SNX18: variants seen among roughly 807,000 people sequenced by gnomAD.
SNX18 encodes the protein sorting nexin-18.
A neutral mutation model predicts 48.7 loss-of-function variants in SNX18; 35 were observed. That is an observed-to-expected ratio of 0.72 (90% CI 0.55 to 0.95). The LOEUF (loss-of-function observed/expected upper bound fraction) is 0.95, where lower values mean the gene tolerates loss of function less well. Ranked by LOEUF, SNX18 falls within the 40% of genes least tolerant of loss-of-function variation. SNX18 has a pLI of 0.00. For missense variants in SNX18, 824 were observed against 871.0 expected (o/e 0.95, Z 0.68); for synonymous variants, 492 against 384.7 (o/e 1.28, Z -3.26).
chr5:54,590,425 A>C, the SNX18 span, among the ~76,000 whole-genome samples: 1 of 152,154 alleles, frequency 6.6e-6, no homozygotes, highest in Non-Finnish European at 1.5e-5. Flanking sequence ...GTTAAAGCCT[A>C]AGTCAGATTA....
rs930396306 is a variant in SNX18 at position 54,518,579 on chromosome 5, G to T, written c.627G>T (p.Ser209=). 8 of 1,580,158 alleles carry T rather than the reference G, an allele frequency of 5.1e-6. No individual in the cohort carries two copies. The highest frequency in any genetic ancestry group is 6.9e-6 in the Non-Finnish European group (8 of 1,163,974). The stretch of plus-strand genomic sequence containing the variant: ...TGTCCCTGGGTTCCCGCGGCGGCTC[G>T]GTCCCCCCGCAGCACCACCCGTCGG... ...SDLSLGSRGG[S]VPPQHHPSGP... is the part of the protein sequence containing the mutation. The change falls in exon 1 of 2, where the codon TCG becomes TCT. Residue 209 remains serine, a synonymous_variant. Coordinates refer to ENST00000381410, the MANE Select transcript of SNX18 (RefSeq NM_001102575.2).
In SNX18 at chr5:54,518,248, C is replaced by T. The variant is rs1726593303; in HGVS notation, c.296C>T (p.Pro99Leu). The change falls in exon 1 of 2, where the codon CCG becomes CTG. Residue 99 changes from proline to leucine, a missense_variant. By Grantham distance (98) the Pro-to-Leu change is moderately conservative. This residue lies in a region of SNX18 where 377 missense variants were observed against 350.6 expected (regional missense o/e 1.08). Transcript: ENST00000381410. ...LPVAPPASFK[P>L]PPDAFQALLQ... ...GTCGCGCCCCCCGCCTCCTTCAAGC[C>T]GCCGCCTGACGCCTTCCAGGCGCTG... 2 of 1,454,032 alleles carry T rather than the reference C, an allele frequency of 1.4e-6. No individual in the cohort carries two copies. The highest frequency in any genetic ancestry group is 1.5e-5 in the African/African-American group (1 of 67,108). The allele number at this position is 1,454,032 out of a possible 1,614,324, so 90.1% of individuals were successfully genotyped here.
chr5:54,605,863 T>C, the SNX18 span, among the ~76,000 whole-genome samples: 2 of 152,072 alleles, frequency 1.3e-5, no homozygotes, highest in East Asian at 1.9e-4. Context: ...AGGGTATCAC[T>C]TTGTTGACCA....
At chr5:54,614,325 A>G in the SNX18 span, among the ~76,000 whole-genome samples, 5 of 152,322 alleles carry the variant, frequency 3.3e-5, no homozygotes, top group Admixed American at 1.3e-4. Flanking sequence ...CAGGCAGATA[A>G]GAGGGGTTTG....
the SNX18 span, among the ~76,000 whole-genome samples, chr5:54,576,231 C>T: frequency 6.6e-6 from 1 of 152,102 alleles, no homozygotes; most frequent in Non-Finnish European, 1.5e-5. Flanking sequence ...ATCCCTGGAG[C>T]CGTATGTGTA....
chr5:54,640,884 A>T, the SNX18 span, among the ~76,000 whole-genome samples: 1 of 151,998 alleles, frequency 6.6e-6, no homozygotes, highest in Non-Finnish European at 1.5e-5. Context: ...ACATGGTTAA[A>T]CCCCATCTCT....
At chr5:54,630,228 A>T in the SNX18 span, among the ~76,000 whole-genome samples, 1 of 152,198 alleles carries the variant, frequency 6.6e-6, no homozygotes, top group Non-Finnish European at 1.5e-5. Flanking sequence ...TTGATGGAAG[A>T]GTCTGGATCA....
At chr5:54,597,741 G>T in the SNX18 span, among the ~76,000 whole-genome samples, 1 of 152,130 alleles carries the variant, frequency 6.6e-6, no homozygotes, top group Non-Finnish European at 1.5e-5. Flanking sequence ...CTAAAGCAGT[G>T]TTAAGAGGGA....
chr5:54,572,599 G>A, the SNX18 span, among the ~76,000 whole-genome samples: 1 of 151,280 alleles, frequency 6.6e-6, no homozygotes, highest in Non-Finnish European at 1.5e-5. Context: ...GCAAGAAATG[G>A]CCTCATATTT....
chr5:54,535,838 C>T (rs1762343092), intron 1 of SNX18, among the ~76,000 whole-genome samples: 2 of 152,180 alleles, frequency 1.3e-5, no homozygotes, highest in African/African-American at 4.8e-5. Context: ...GGTAGCTCTG[C>T]CTTGCCTTCC....
rs749200304 is a variant in SNX18, at chr5:54,518,069, C to G, written c.117C>G (p.Leu39=). The G allele has an allele frequency of 6.5e-7, 1 of 1,543,060 alleles. No homozygotes were observed. Residue 39 remains leucine, a synonymous_variant, in exon 1 of 2, where the codon CTC becomes CTG. Transcript: ENST00000381410. The part of the protein sequence containing the change: ...LCSEQDIEGW[L]EGVNSRGDRG... ...GCGAGCAGGACATCGAGGGCTGGCT[C>G]GAGGGGGTCAACAGCCGCGGCGACC... is the stretch of plus-strand genomic sequence containing the variant.
chr5:54,619,224 A>G, the SNX18 span, among the ~76,000 whole-genome samples: 1 of 152,288 alleles, frequency 6.6e-6, no homozygotes, highest in Non-Finnish European at 1.5e-5. Context: ...TAAAAAAACA[A>G]CAAAGGCCAG....
the SNX18 span, among the ~76,000 whole-genome samples, chr5:54,559,000 T>G: frequency 6.6e-6 from 1 of 150,892 alleles, no homozygotes; most frequent in East Asian, 1.9e-4. Context: ...AAAAAATACC[T>G]AGGAATACAG....
chr5:54,579,024 C>G, the SNX18 span, among the ~76,000 whole-genome samples: 1 of 152,152 alleles, frequency 6.6e-6, no homozygotes, highest in African/African-American at 2.4e-5. Context: ...CCTAACTAGG[C>G]TGAAAACACC....
chr5:54,628,488 C>G, the SNX18 span, among the ~76,000 whole-genome samples: 2 of 152,170 alleles, frequency 1.3e-5, no homozygotes, highest in Non-Finnish European at 2.9e-5. Flanking sequence ...CTGTCTATGC[C>G]TCTTTAGTGC....
At chr5:54,613,539 A>G in the SNX18 span, among the ~76,000 whole-genome samples, 1 of 152,160 alleles carries the variant, frequency 6.6e-6, no homozygotes, top group Non-Finnish European at 1.5e-5. Context: ...GTGCTGTTGC[A>G]TTGGGGATGT....
At chr5:54,587,415 G>A in the SNX18 span, among the ~76,000 whole-genome samples, 1 of 152,048 alleles carries the variant, frequency 6.6e-6, no homozygotes. Flanking sequence ...ATAATCTATT[G>A]CGTCTTCTGC....
At chr5:54,645,419 C>CAT in the SNX18 span, 1 of 152,206 alleles carries the variant, frequency 6.6e-6, no homozygotes, top group African/African-American at 2.4e-5. Context: ...TCCGGGAAAA[C>CAT]AGATGAGGGG....
the SNX18 span, among the ~76,000 whole-genome samples, chr5:54,599,637 C>T: frequency 6.6e-6 from 1 of 152,048 alleles, no homozygotes; most frequent in Non-Finnish European, 1.5e-5. Flanking sequence ...CAAAAACAGA[C>T]ACATAGACCA....
Sources: gnomAD v4.1 joint callset for allele counts (sites outside exome capture counted in the v4.1 genomes callset) on GRCh38, gnomAD v4.1.1 for gene constraint, gnomAD v4.1.1 regional missense constraint, MANE v1.5 for transcripts, NCBI Gene and HGNC (gene_info 2026-07-23, HGNC 2026-07-21) for gene names.